SH3KBP1: variants seen among roughly 807,000 people sequenced by gnomAD.
SH3KBP1 encodes SH3 domain-containing kinase-binding protein 1.
In SH3KBP1, 8 loss-of-function variants were observed where a neutral mutation model predicts 50.1. That is an observed-to-expected ratio of 0.16 (90% CI 0.09 to 0.29). SH3KBP1 has a LOEUF of 0.29. Ranked by LOEUF, SH3KBP1 falls within the 10% of genes least tolerant of loss-of-function variation. The pLI is 1.00. For missense variants in SH3KBP1, 377 were observed against 535.2 expected (o/e 0.70, Z 2.92); for synonymous variants, 227 against 218.6 (o/e 1.04, Z -0.34).
intron 2 of SH3KBP1, among the ~76,000 whole-genome samples, chrX:19,757,631 C>G (rs2065253005): frequency 9.1e-6 from 1 of 109,934 alleles, no homozygotes; most frequent in Non-Finnish European, 1.9e-5. Flanking sequence ...CCCTACCCGC[C>G]TCTTATGTGA....
At chrX:19,812,498 TG>T (rs1465129523) in intron 2 of SH3KBP1, among the ~76,000 whole-genome samples, 1 of 110,503 alleles carries the variant, frequency 9.0e-6, no homozygotes, top group Non-Finnish European at 1.9e-5. Context: ...AAATGTCTTC[TG>T]GGTAGCCCTA....
chrX:19,694,488 G>T (rs1287580331), intron 5 of SH3KBP1, among the ~76,000 whole-genome samples: 15 of 110,441 alleles, frequency 1.4e-4, no homozygotes, highest in Admixed American at 1.3e-3. Flanking sequence ...CCCTTCCAGT[G>T]CTTCCTACCA....
At chrX:19,772,675 G>T (rs982233792) in intron 2 of SH3KBP1, among the ~76,000 whole-genome samples, 6 of 111,348 alleles carry the variant, frequency 5.4e-5, no homozygotes, top group African/African-American at 1.6e-4. Context: ...AGAATTCTAG[G>T]AATATCCCAT....
intron 8 of SH3KBP1, among the ~76,000 whole-genome samples, chrX:19,628,379 C>G (rs978704146): frequency 3.6e-5 from 4 of 111,129 alleles, no homozygotes; most frequent in African/African-American, 6.6e-5. Flanking sequence ...TAAATCCTCG[C>G]AGCAGCCCTG....
chrX:19,534,047 T>C lies in SH3KBP1; in HGVS notation c.*2370A>G, dbSNP rs2064650661. On this transcript the variant is annotated 3_prime_UTR_variant, in exon 18 of 18. Coordinates refer to ENST00000397821, the MANE Select transcript of SH3KBP1 (RefSeq NM_031892.3). Reference sequence around the variant, plus strand: ...ACTTAAGACTTTTCTAAATACAACTTTATAAAATGAAGCAAAAAAATAATC... The same window carrying C: ...ACTTAAGACTTTTCTAAATACAACTCTATAAAATGAAGCAAAAAAATAATC... The C allele has an allele frequency of 9.0e-6, 1 of 111,607 alleles. No homozygotes were observed. Among genetic ancestry groups the C allele is most frequent in the South Asian group, 3.7e-4 (1 of 2,701 alleles). The allele number at this position is 111,607 out of a possible 1,213,427, so 9.2% of individuals were successfully genotyped here.
At chrX:19,641,168 C>T (rs986831377) in intron 7 of SH3KBP1, among the ~76,000 whole-genome samples, 32 of 111,921 alleles carry the variant, frequency 2.9e-4, no homozygotes, top group African/African-American at 1.0e-3. Flanking sequence ...AGTCTTAGGC[C>T]GATTGGGAGA....
At chrX:19,540,067 C>A (rs779433245) in intron 16 of SH3KBP1, among the ~76,000 whole-genome samples, 7 of 111,278 alleles carry the variant, frequency 6.3e-5, no homozygotes, top group Non-Finnish European at 1.3e-4. Flanking sequence ...AGGCAAGAAC[C>A]AATGCTCTGG....
Position 19,546,070 on chromosome X carries a change from A to G in SH3KBP1, c.1495-20T>C, listed in dbSNP as rs1193152791. On this transcript the variant is annotated intron_variant, in intron 14 of 17. Transcript: ENST00000397821. ...GGATGACTGATAAAGCCAAAAGAAA[A>G]TGCTTTTGTCAGAATTACACCTTAG... 4 of 1,209,816 alleles carry G rather than the reference A, an allele frequency of 3.3e-6. No homozygotes were observed. The highest frequency in any genetic ancestry group is 3.4e-6 in the Non-Finnish European group (3 of 893,859).
At chrX:19,756,600 C>G (rs189829400) in intron 2 of SH3KBP1, among the ~76,000 whole-genome samples, 28 of 111,664 alleles carry the variant, frequency 2.5e-4, no homozygotes. Context: ...AACTTGACAA[C>G]TGTCTATCAA....
intron 1 of SH3KBP1, among the ~76,000 whole-genome samples, chrX:19,875,331 G>C (rs865873493): frequency 1.0e-3 from 115 of 111,833 alleles, no homozygotes; most frequent in African/African-American, 3.4e-3. Flanking sequence ...ACTGTTCTCG[G>C]CTCCGACAAG....
chrX:19,723,933 G>A (rs1474005606), intron 3 of SH3KBP1, among the ~76,000 whole-genome samples: 2 of 110,996 alleles, frequency 1.8e-5, no homozygotes, highest in Non-Finnish European at 3.8e-5. Context: ...GATGTCCCCC[G>A]CCGACCCCAC....
chrX:19,679,827 T>C (rs976548135), intron 6 of SH3KBP1, among the ~76,000 whole-genome samples: 2 of 112,266 alleles, frequency 1.8e-5, no homozygotes, highest in African/African-American at 6.5e-5. Context: ...AAATGGTACA[T>C]TCAGCAAATC....
intron 6 of SH3KBP1, among the ~76,000 whole-genome samples, chrX:19,672,017 C>T (rs979981990): frequency 1.8e-5 from 2 of 112,067 alleles, no homozygotes; most frequent in Non-Finnish European, 3.8e-5. Flanking sequence ...CTGTATCTAA[C>T]TCTGTAAGGG....
At chrX:19,853,989 C>T (rs2147490278) in intron 1 of SH3KBP1, among the ~76,000 whole-genome samples, 1 of 110,179 alleles carries the variant, frequency 9.1e-6, no homozygotes, top group South Asian at 3.9e-4. Context: ...GCCAGAAGTC[C>T]CTTCTCAAAG....
At chrX:19,748,330 A>G (rs1260885579) in intron 2 of SH3KBP1, among the ~76,000 whole-genome samples, 4 of 111,565 alleles carry the variant, frequency 3.6e-5, no homozygotes, top group African/African-American at 1.3e-4. Flanking sequence ...AGGGTGGGAG[A>G]AGCAGCGCCA....
At position 19,595,590 on chromosome X, in the gene SH3KBP1, G is replaced by T. The variant is rs200557670; in HGVS notation, c.1006-590C>A. On this transcript the variant is annotated intron_variant, in intron 9 of 17. Transcript: ENST00000397821. ...TTTTTTTGTTGTTGTTTTTTGGTTT[G>T]TTTTTTTTTTTTTTGCATATCAGCC... Among the ~76,000 whole-genome samples, 374 of 92,741 alleles carry T rather than the reference G, an allele frequency of 4.0e-3. 1 individual carries two copies. The highest frequency in any genetic ancestry group is 0.024 in the Admixed American group (206 of 8,674). The allele number at this position is 92,741 out of a possible 115,157, so 80.5% of individuals were successfully genotyped here.
chrX:19,730,380 C>A (rs1013441959), intron 3 of SH3KBP1, among the ~76,000 whole-genome samples: 2 of 111,566 alleles, frequency 1.8e-5, no homozygotes, highest in Non-Finnish European at 3.8e-5. Context: ...ATAATGTGGG[C>A]TAGCAAAGGG....
At chrX:19,851,768 C>G (rs1352265177) in intron 1 of SH3KBP1, among the ~76,000 whole-genome samples, 2 of 111,807 alleles carry the variant, frequency 1.8e-5, no homozygotes, top group African/African-American at 6.5e-5. Context: ...AGCTCCTGGC[C>G]TCTACTGATC....
At chrX:19,886,641 G>T (rs770231231) in intron 1 of SH3KBP1, among the ~76,000 whole-genome samples, 1 of 111,506 alleles carries the variant, frequency 9.0e-6, no homozygotes, top group Non-Finnish European at 1.9e-5. Context: ...GGACAGTATG[G>T]GAAGTGGCCT....
Sources: allele counts gnomAD v4.1 joint callset (sites outside exome capture counted in the v4.1 genomes callset), GRCh38; gene constraint gnomAD v4.1.1; transcripts MANE v1.5; gene names NCBI Gene and HGNC (gene_info 2026-07-23, HGNC 2026-07-21).